Variants in FHOD3 observed in about 807,000 individuals in gnomAD.
FHOD3 encodes the protein FH1/FH2 domain-containing protein 3.
Under a neutral mutation model 173.0 loss-of-function variants are expected in FHOD3, and 90 were observed. That is an observed-to-expected ratio of 0.52 (90% confidence interval 0.44 to 0.62). The LOEUF (loss-of-function observed/expected upper bound fraction) is 0.62. Ranked by LOEUF, FHOD3 falls within the 20% of genes least tolerant of loss-of-function variation. The pLI is 0.00. For missense variants in FHOD3, 1,945 were observed against 2,034.7 expected (o/e 0.96, Z 0.85); for synonymous variants, 828 against 823.0 (o/e 1.01, Z -0.10).
At chr18:36,701,499 G>T (rs2039587055) in intron 17 of FHOD3, among the ~76,000 whole-genome samples, 1 of 152,102 alleles carries the variant, frequency 6.6e-6, no homozygotes, top group South Asian at 2.1e-4. Context: ...AATCTGAGGG[G>T]CAAGAGTGGG....
intron 1 of FHOD3, among the ~76,000 whole-genome samples, chr18:36,351,201 A>G (rs537996210): frequency 1.3e-5 from 2 of 152,048 alleles, no homozygotes; most frequent in South Asian, 4.2e-4. Flanking sequence ...CGCTGTGAGG[A>G]CTCCACATGA....
At chr18:36,707,653 G>A (rs1441535379) in intron 17 of FHOD3, among the ~76,000 whole-genome samples, 2 of 152,158 alleles carry the variant, frequency 1.3e-5, no homozygotes, top group Non-Finnish European at 2.9e-5. Flanking sequence ...AGTGAGGCCT[G>A]AATGTCCCTT....
intron 24 of FHOD3, among the ~76,000 whole-genome samples, chr18:36,749,761 G>A (rs893519642): frequency 2.5e-4 from 38 of 152,300 alleles, no homozygotes; most frequent in African/African-American, 9.1e-4. Flanking sequence ...TCACCATACT[G>A]CTTTCCACAA....
chr18:36,616,838 G>A (rs372094869), intron 9 of FHOD3, among the ~76,000 whole-genome samples: 12 of 152,198 alleles, frequency 7.9e-5, no homozygotes, highest in African/African-American at 2.9e-4. Flanking sequence ...TTATCTGGCT[G>A]TACTAATAAT....
rs1431934959 is a variant in FHOD3, at chr18:36,545,580, C to CT, written c.512-30866dup. Among the ~76,000 whole-genome samples the CT allele has an allele frequency of 6.6e-5, 10 of 152,276 alleles. No homozygotes were observed. The South Asian group carries it at 1.2e-3, about 19-fold the overall frequency. On this transcript the variant is annotated intron_variant, in intron 5 of 28. Transcript: ENST00000590592. The stretch of plus-strand genomic sequence containing the variant: ...CAGCTGAGGGATGATTATCATGAAA[C>CT]TTTTTAAGTTCTAGAATTTCTAAAT...
chr18:36,609,755 A>T (rs1443445277), intron 8 of FHOD3, among the ~76,000 whole-genome samples: 1 of 151,938 alleles, frequency 6.6e-6, no homozygotes, highest in African/African-American at 2.4e-5. Flanking sequence ...GATTACAAGC[A>T]TGTGCCACCA....
At chr18:36,614,423 A>G (rs1292613250) in intron 9 of FHOD3, among the ~76,000 whole-genome samples, 1 of 152,116 alleles carries the variant, frequency 6.6e-6, no homozygotes, top group African/African-American at 2.4e-5. Context: ...AGTTATTTCT[A>G]CCTTTTGGCT....
At chr18:36,443,081 G>A (rs568111812) in intron 3 of FHOD3, among the ~76,000 whole-genome samples, 1 of 152,304 alleles carries the variant, frequency 6.6e-6, no homozygotes, top group African/African-American at 2.4e-5. Context: ...GGAGGTACGT[G>A]TTGCCAATGT....
chr18:36,464,722 G>A (rs1394488179), intron 3 of FHOD3, among the ~76,000 whole-genome samples: 1 of 152,080 alleles, frequency 6.6e-6, no homozygotes, highest in East Asian at 1.9e-4. Context: ...AGGGAAGGAG[G>A]CCCAGGAGGA....
At chr18:36,635,954 T>G (rs2034852877) in intron 10 of FHOD3, among the ~76,000 whole-genome samples, 1 of 152,210 alleles carries the variant, frequency 6.6e-6, no homozygotes, top group South Asian at 2.1e-4. Flanking sequence ...TGACTGTTTC[T>G]CAGGCTAGAG....
rs140259115 is a variant in FHOD3, at chr18:36,388,384, G to T, written c.337+15640G>T. Among the ~76,000 whole-genome samples, 91 of 152,294 alleles carry T rather than the reference G, an allele frequency of 6.0e-4. No individual in the cohort carries two copies. The Middle Eastern group carries it at 0.017, about 28-fold the overall frequency. On this transcript the variant is annotated intron_variant, in intron 3 of 28. Coordinates refer to ENST00000590592, the MANE Select transcript of FHOD3 (RefSeq NM_001281740.3). ...GACTGTAACCCAGTCCCATGAGAAG[G>T]CCTAGGAGTCAGAGGGCCAGCCCAG...
rs564428763 is a variant in FHOD3 at position 36,745,129 on chromosome 18, T to C, written c.4041+936T>C. 4.3e-4 allele frequency among the ~76,000 whole-genome samples: 66 copies of C among 152,258 alleles called. No homozygotes were observed. In the South Asian group the frequency reaches 0.013, roughly 31 times the overall value. On this transcript the variant is annotated intron_variant, in intron 23 of 28. Coordinates refer to ENST00000590592, the MANE Select transcript of FHOD3 (RefSeq NM_001281740.3). ...TGCTTCAAGGGGCCCTCCCTCTCTG[T>C]CTGCCTTCTGCCACAGCCCTGGCTT...
intron 14 of FHOD3, among the ~76,000 whole-genome samples, chr18:36,677,109 C>T (rs995824037): frequency 6.6e-6 from 1 of 151,622 alleles, no homozygotes; most frequent in Non-Finnish European, 1.5e-5. Flanking sequence ...ACATTTTTCA[C>T]TTAAACTATC....
At chr18:36,417,592 T>C (rs535551965) in intron 3 of FHOD3, among the ~76,000 whole-genome samples, 1 of 152,344 alleles carries the variant, frequency 6.6e-6, no homozygotes, top group Non-Finnish European at 1.5e-5. Flanking sequence ...GTAATGGGAT[T>C]GCTGGGTTGA....
intron 1 of FHOD3, among the ~76,000 whole-genome samples, chr18:36,339,712 G>A (rs1598764128): frequency 6.6e-6 from 1 of 152,164 alleles, no homozygotes; most frequent in South Asian, 2.1e-4. Flanking sequence ...GCAGAGTGGT[G>A]GGGCTGGGGC....
intron 28 of FHOD3, chr18:36,779,217 T>A: frequency 1.8e-6 from 1 of 563,196 alleles, no homozygotes; most frequent in Non-Finnish European, 3.2e-6. Flanking sequence ...GCCCTCCAAA[T>A]CAGCACCTGT....
At chr18:36,338,465 G>A (rs1443727457) in intron 1 of FHOD3, among the ~76,000 whole-genome samples, 4 of 152,130 alleles carry the variant, frequency 2.6e-5, no homozygotes, top group South Asian at 2.1e-4. Flanking sequence ...ATTCTAAAAC[G>A]CCATGTGGGT....
At chr18:36,463,635 A>G (rs2052723797) in intron 3 of FHOD3, among the ~76,000 whole-genome samples, 1 of 147,778 alleles carries the variant, frequency 6.8e-6, no homozygotes, top group African/African-American at 2.5e-5. Context: ...AGCTGGGACT[A>G]CAGGTGTGCA....
chr18:36,588,528 A>G (rs4799871), intron 6 of FHOD3, among the ~76,000 whole-genome samples: 48,062 of 152,018 alleles, frequency 0.32, 8,030 homozygotes, highest in East Asian at 0.41. Flanking sequence ...TGGTTTTCCA[A>G]CCCCCTTTGT....
Sources: allele counts gnomAD v4.1 joint callset (sites outside exome capture counted in the v4.1 genomes callset), GRCh38; gene constraint gnomAD v4.1.1; transcripts MANE v1.5; gene names NCBI Gene and HGNC (gene_info 2026-07-23, HGNC 2026-07-21).